ADAMTSL1: variants seen among roughly 807,000 people sequenced by gnomAD.
ADAMTSL1 encodes the protein ADAMTS-like protein 1.
ADAMTSL1 carries 126 observed loss-of-function variants against 201.8 expected under a neutral mutation model. The ratio of observed to expected loss-of-function variants is 0.62; its 90% CI spans 0.54 to 0.72. ADAMTSL1 has a LOEUF of 0.72. ADAMTSL1 is among the 30% of genes least tolerant of loss of function. The pLI is 0.00. For missense variants in ADAMTSL1, 2,679 were observed against 2,277.8 expected (o/e 1.18, Z -3.59); for synonymous variants, 1,121 against 903.4 (o/e 1.24, Z -4.32).
chr9:18,158,006 A>G (rs1023651784), intron 1 of ADAMTSL1, among the ~76,000 whole-genome samples: 1 of 152,008 alleles, frequency 6.6e-6, no homozygotes, highest in Non-Finnish European at 1.5e-5. Context: ...CCAACACAGC[A>G]ACCAAAAATA....
At chr9:18,219,114 A>G (rs958236151) in intron 2 of ADAMTSL1, among the ~76,000 whole-genome samples, 4 of 151,130 alleles carry the variant, frequency 2.6e-5, no homozygotes, top group African/African-American at 9.7e-5. Context: ...CCAATATTAC[A>G]TTTCTTTAAT....
intron 11 of ADAMTSL1, chr9:18,680,904 G>A (rs1376882786): frequency 1.8e-5 from 4 of 223,492 alleles, no homozygotes; most frequent in South Asian, 7.6e-5. Flanking sequence ...CTTTGTATCC[G>A]AAAGGGTCTA....
intron 4 of ADAMTSL1, among the ~76,000 whole-genome samples, chr9:18,574,931 T>A (rs1399452252): frequency 6.6e-6 from 1 of 152,200 alleles, no homozygotes; most frequent in African/African-American, 2.4e-5. Context: ...CATCTTTATT[T>A]TCAGGTCCAC....
chr9:17,942,500 G>T (rs546406239), intron 1 of ADAMTSL1, among the ~76,000 whole-genome samples: 1 of 152,102 alleles, frequency 6.6e-6, no homozygotes, highest in Non-Finnish European at 1.5e-5. Context: ...TTGAGAGTCC[G>T]TTGTGTCTCT....
At chr9:18,575,213 A>G (rs1288810786) in intron 4 of ADAMTSL1, among the ~76,000 whole-genome samples, 1 of 152,198 alleles carries the variant, frequency 6.6e-6, no homozygotes, top group Non-Finnish European at 1.5e-5. Flanking sequence ...ATGTAAAGGC[A>G]AAAACTGTAG....
chr9:18,285,232 T>C (rs1832949219), intron 2 of ADAMTSL1, among the ~76,000 whole-genome samples: 1 of 152,166 alleles, frequency 6.6e-6, no homozygotes, highest in African/African-American at 2.4e-5. Context: ...ATGCCAATTT[T>C]ATAGTAAGGA....
chr9:18,351,222 G>A (rs1835949176), intron 2 of ADAMTSL1, among the ~76,000 whole-genome samples: 1 of 150,018 alleles, frequency 6.7e-6, no homozygotes, highest in African/African-American at 2.5e-5. Flanking sequence ...TTCCTTGGGA[G>A]GAGAGAAAAA....
At chr9:18,368,964 C>G (rs1451342669) in intron 2 of ADAMTSL1, among the ~76,000 whole-genome samples, 1 of 152,138 alleles carries the variant, frequency 6.6e-6, no homozygotes, top group East Asian at 1.9e-4. Context: ...TCCTGATTAA[C>G]TTTGTTTATA....
At chr9:18,032,718 C>T (rs1012380707) in intron 1 of ADAMTSL1, among the ~76,000 whole-genome samples, 2 of 152,342 alleles carry the variant, frequency 1.3e-5, no homozygotes, top group South Asian at 2.1e-4. Flanking sequence ...TCTACCTACT[C>T]TCCAGGCAGA....
At chr9:18,193,750 T>A (rs933859967) in intron 2 of ADAMTSL1, among the ~76,000 whole-genome samples, 3 of 152,160 alleles carry the variant, frequency 2.0e-5, no homozygotes, top group African/African-American at 4.8e-5. Flanking sequence ...GGTCCCTGTA[T>A]GGACTTTGAG....
chr9:18,170,424 A>G (rs1016697676), intron 2 of ADAMTSL1, among the ~76,000 whole-genome samples: 2 of 152,046 alleles, frequency 1.3e-5, no homozygotes, highest in African/African-American at 2.4e-5. Context: ...AATGGAATAA[A>G]TATCTTGGAG....
At chr9:18,841,961 A>C (rs1474658433) in intron 23 of ADAMTSL1, among the ~76,000 whole-genome samples, 2 of 151,384 alleles carry the variant, frequency 1.3e-5, no homozygotes, top group Admixed American at 6.6e-5. Context: ...GCGGTCTATC[A>C]ATTTTGTTGA....
intron 22 of ADAMTSL1, 148 bp downstream of exon 22, chr9:18,826,611 C>T (rs1475616052): frequency 1.5e-5 from 15 of 974,438 alleles, no homozygotes; most frequent in Non-Finnish European, 2.1e-5. Context: ...TAGGGCCTTT[C>T]GATAGAACAC....
chr9:18,401,949 A>G (rs188513504), intron 2 of ADAMTSL1, among the ~76,000 whole-genome samples: 128 of 152,316 alleles, frequency 8.4e-4, no homozygotes, highest in African/African-American at 3.0e-3. Flanking sequence ...AAATGTGCAT[A>G]TATCATATAC....
rs544104437 is a variant in ADAMTSL1, at chr9:18,185,394, C to T, written c.207+21413C>T. Among the ~76,000 whole-genome samples the T allele has an allele frequency of 5.3e-5, 8 of 152,240 alleles. 1 individual carries two copies. In the South Asian group the frequency reaches 1.7e-3, roughly 32 times the overall value. ...GTAAACACTTCCCCTGATGAGTCAT[C>T]AGAGGAGAACCCAGCCCTTTCTGAC... On this transcript the variant is annotated intron_variant, in intron 2 of 29. Transcript: ENST00000680146.
chr9:18,175,568 C>T (rs1402995602), intron 2 of ADAMTSL1, among the ~76,000 whole-genome samples: 1 of 152,192 alleles, frequency 6.6e-6, no homozygotes, highest in Non-Finnish European at 1.5e-5. Context: ...AACTTCTTAG[C>T]TTCAACTTTC....
intron 21 of ADAMTSL1, 137 bp from the exon 22 acceptor site, chr9:18,826,147 G>C (rs1824540700): frequency 9.8e-7 from 1 of 1,019,432 alleles, no homozygotes; most frequent in Non-Finnish European, 1.5e-6. Flanking sequence ...TATTTAATCT[G>C]GCCAAAGCCT....
At chr9:18,066,271 A>G (rs1205789469) in intron 1 of ADAMTSL1, among the ~76,000 whole-genome samples, 1 of 152,160 alleles carries the variant, frequency 6.6e-6, no homozygotes, top group Non-Finnish European at 1.5e-5. Flanking sequence ...AAGCACCAAT[A>G]ATAGAAGTAT....
chr9:18,324,984 T>C (rs978452781), intron 2 of ADAMTSL1, among the ~76,000 whole-genome samples: 3 of 152,060 alleles, frequency 2.0e-5, no homozygotes, highest in Non-Finnish European at 4.4e-5. Context: ...AGCCAATAAA[T>C]ATATAAACAA....
Sources: gnomAD v4.1 joint callset for allele counts (sites outside exome capture counted in the v4.1 genomes callset) on GRCh38, gnomAD v4.1.1 for gene constraint, MANE v1.5 for transcripts, NCBI Gene and HGNC (gene_info 2026-07-23, HGNC 2026-07-21) for gene names.